Variants in EHBP1 observed in about 807,000 individuals in gnomAD.
EHBP1 encodes the protein EH domain binding protein 1.
In EHBP1, 55 loss-of-function variants were observed where a neutral mutation model predicts 144.0. That is an observed-to-expected ratio of 0.38 (90% CI 0.31 to 0.48). The LOEUF (loss-of-function observed/expected upper bound fraction) is 0.48, where lower values mean the gene tolerates loss of function less well. Among genes scored for constraint, EHBP1 ranks in the 20% least tolerant of loss-of-function variants. The pLI is 0.98. For missense variants in EHBP1, 1,200 were observed against 1,364.2 expected (o/e 0.88, Z 1.90); for synonymous variants, 469 against 472.7 (o/e 0.99, Z 0.10).
At chr2:63,025,720 T>A in intron 19 of EHBP1, among the ~76,000 whole-genome samples, 1 of 152,198 alleles carries the variant, frequency 6.6e-6, no homozygotes. Flanking sequence ...TTAAAATTTA[T>A]ATCATGATAA....
intron 1 of EHBP1, among the ~76,000 whole-genome samples, chr2:62,691,146 GA>G (rs1414059967): frequency 6.6e-6 from 1 of 152,182 alleles, no homozygotes; most frequent in Non-Finnish European, 1.5e-5. Context: ...GTGTTAGTTA[GA>G]ATTAAATATC....
intron 1 of EHBP1, among the ~76,000 whole-genome samples, chr2:62,674,525 GTTGT>G (rs1215434337): frequency 6.6e-6 from 1 of 152,142 alleles, no homozygotes; most frequent in Non-Finnish European, 1.5e-5. Flanking sequence ...CACCCTCTAT[GTTGT>G]TTGAAGTGGG....
intron 7 of EHBP1, among the ~76,000 whole-genome samples, chr2:62,840,989 G>A (rs1258648560): frequency 6.6e-6 from 1 of 152,008 alleles, no homozygotes; most frequent in African/African-American, 2.4e-5. Flanking sequence ...CCCATTACTG[G>A]GTATATACCC....
intron 5 of EHBP1, among the ~76,000 whole-genome samples, chr2:62,810,346 A>G (rs2044885381): frequency 6.6e-6 from 1 of 152,238 alleles, no homozygotes; most frequent in African/African-American, 2.4e-5. Flanking sequence ...CAGAGGCTTT[A>G]GCCTAGTGTG....
At chr2:62,729,637 A>AATAATATAAT (rs112547769) in intron 2 of EHBP1, among the ~76,000 whole-genome samples, 25 of 137,752 alleles carry the variant, frequency 1.8e-4, no homozygotes, top group African/African-American at 6.1e-4. Flanking sequence ...AATAAAATAA[A>AATAATATAAT]ATAATATAAT....
intron 1 of EHBP1, among the ~76,000 whole-genome samples, chr2:62,689,539 G>T (rs1000961338): frequency 2.6e-5 from 4 of 152,166 alleles, no homozygotes. Context: ...AGCTACCCGG[G>T]AGGCTGAGGC....
chr2:62,871,011 T>C (rs1374064423), intron 9 of EHBP1, among the ~76,000 whole-genome samples: 1 of 152,096 alleles, frequency 6.6e-6, no homozygotes, highest in Non-Finnish European at 1.5e-5. Context: ...TTAATAACTA[T>C]ATGGGGGGTT....
At chr2:62,816,232 CTT>C (rs1018817060) in intron 5 of EHBP1, among the ~76,000 whole-genome samples, 8 of 151,974 alleles carry the variant, frequency 5.3e-5, no homozygotes, top group Non-Finnish European at 1.0e-4. Flanking sequence ...TTTAAAGAGA[CTT>C]TAGAGAGAGA....
intron 5 of EHBP1, among the ~76,000 whole-genome samples, chr2:62,809,308 A>C (rs1271578462): frequency 2.0e-5 from 3 of 150,898 alleles, no homozygotes; most frequent in Admixed American, 6.6e-5. Context: ...AAAAAAAAAA[A>C]AAAAAAACAA....
chr2:62,798,199 C>A (rs2043684869), intron 5 of EHBP1, among the ~76,000 whole-genome samples: 1 of 152,038 alleles, frequency 6.6e-6, no homozygotes. Flanking sequence ...AAACCCCCGT[C>A]TCTACTAAAA....
intron 10 of EHBP1, among the ~76,000 whole-genome samples, chr2:62,933,553 G>A (rs959042852): frequency 6.6e-6 from 1 of 152,054 alleles, no homozygotes; most frequent in African/African-American, 2.4e-5. Flanking sequence ...TATTTCTTTG[G>A]AAAACATTGA....
chr2:62,872,976 G>T (rs924620912), intron 9 of EHBP1, among the ~76,000 whole-genome samples: 2 of 152,174 alleles, frequency 1.3e-5, no homozygotes, highest in Admixed American at 1.3e-4. Flanking sequence ...TGCCTAACCA[G>T]TAGTGGTGCC....
chr2:62,922,147 C>A (rs1455882476), intron 10 of EHBP1, among the ~76,000 whole-genome samples: 1 of 152,082 alleles, frequency 6.6e-6, no homozygotes, highest in Non-Finnish European at 1.5e-5. Context: ...TGCACTCCAG[C>A]CTGAGCGACA....
intron 12 of EHBP1, 64 bp from the exon 13 acceptor site, chr2:62,948,196 C>T (rs1343966961): frequency 5.1e-6 from 7 of 1,382,816 alleles, no homozygotes; most frequent in Non-Finnish European, 5.7e-6. Context: ...AAAATGTGCT[C>T]TTTTTAAAAT....
intron 3 of EHBP1, among the ~76,000 whole-genome samples, chr2:62,753,698 T>G (rs2039981255): frequency 1.3e-5 from 2 of 152,168 alleles, no homozygotes; most frequent in Admixed American, 1.3e-4. Flanking sequence ...GCTTTGTTTC[T>G]TTTTGTTCTT....
intron 2 of EHBP1, among the ~76,000 whole-genome samples, chr2:62,714,152 A>G (rs2151866094): frequency 6.6e-6 from 1 of 152,312 alleles, no homozygotes; most frequent in South Asian, 2.1e-4. Context: ...CTGAGGTGGC[A>G]GGATCCCATG....
At chr2:62,703,843 C>A (rs2034351692), upstream of EHBP1, among the ~76,000 whole-genome samples, 1 of 151,988 alleles carries the variant, frequency 6.6e-6, no homozygotes, top group Non-Finnish European at 1.5e-5. Context: ...TTCTCTCTTC[C>A]CCCTCTCCCT....
chr2:63,004,300 G>C (rs2059951643), intron 19 of EHBP1, among the ~76,000 whole-genome samples: 1 of 151,974 alleles, frequency 6.6e-6, no homozygotes, highest in Non-Finnish European at 1.5e-5. Flanking sequence ...AATTTTGTTA[G>C]TCTTATCTTC....
chr2:62,744,787 G>A (rs942883506), intron 2 of EHBP1, among the ~76,000 whole-genome samples: 1 of 152,040 alleles, frequency 6.6e-6, no homozygotes, highest in African/African-American at 2.4e-5. Flanking sequence ...GCATTAGAAT[G>A]AGGCAACAGT....
Sources: allele counts gnomAD v4.1 joint callset (sites outside exome capture counted in the v4.1 genomes callset), GRCh38; gene constraint gnomAD v4.1.1; transcripts MANE v1.5; gene names NCBI Gene and HGNC (gene_info 2026-07-23, HGNC 2026-07-21).